FRYL: variants seen among roughly 807,000 people sequenced by gnomAD.
FRYL encodes the protein protein furry homolog-like.
Under a neutral mutation model 351.2 loss-of-function variants are expected in FRYL, and 150 were observed. The ratio of observed to expected loss-of-function variants is 0.43; its 90% CI spans 0.37 to 0.49. The LOEUF (loss-of-function observed/expected upper bound fraction) is 0.49. FRYL is among the 20% of genes least tolerant of loss of function. The pLI is 0.00. For missense variants in FRYL, 3,036 were observed against 3,619.3 expected, an observed-to-expected ratio of 0.84 and a Z score of 4.13; for synonymous variants, 1,153 against 1,257.1, an observed-to-expected ratio of 0.92 and a Z score of 1.75.
intron 1 of FRYL, among the ~76,000 whole-genome samples, chr4:48,718,925 T>C (rs1769167708): frequency 6.6e-6 from 1 of 151,442 alleles, no homozygotes; most frequent in South Asian, 2.1e-4. Context: ...ACATTTGTGC[T>C]TCTCCCTTCT....
chr4:48,743,362 C>T (rs1332897644), intron 1 of FRYL, among the ~76,000 whole-genome samples: 3 of 151,986 alleles, frequency 2.0e-5, no homozygotes, highest in Non-Finnish European at 4.4e-5. Flanking sequence ...GATGACTTAG[C>T]TTGTTTTTTC....
At chr4:48,631,622 A>G (rs1752974640) in intron 4 of FRYL, among the ~76,000 whole-genome samples, 1 of 152,152 alleles carries the variant, frequency 6.6e-6, no homozygotes, top group Non-Finnish European at 1.5e-5. Context: ...AGTAACTCAC[A>G]TCGGAGAAGA....
chr4:48,539,614 T>A (rs1729682267), intron 47 of FRYL, among the ~76,000 whole-genome samples: 1 of 151,696 alleles, frequency 6.6e-6, no homozygotes, highest in African/African-American at 2.4e-5. Flanking sequence ...GTACACTATC[T>A]ACTTTGCTTA....
intron 50 of FRYL, among the ~76,000 whole-genome samples, chr4:48,529,593 G>A (rs749895339): frequency 6.6e-6 from 1 of 152,072 alleles, no homozygotes; most frequent in Non-Finnish European, 1.5e-5. Flanking sequence ...AAAAAATAAA[G>A]TTTAGGATAA....
At chr4:48,572,516 G>A (rs1738563331) in intron 26 of FRYL, among the ~76,000 whole-genome samples, 1 of 152,102 alleles carries the variant, frequency 6.6e-6, no homozygotes, top group African/African-American at 2.4e-5. Flanking sequence ...GTCCACTGAG[G>A]AACGTGCTTC....
At chr4:48,527,304 T>C (rs1726478736) in intron 53 of FRYL, among the ~76,000 whole-genome samples, 173 bp downstream of exon 53, 1 of 152,168 alleles carries the variant, frequency 6.6e-6, no homozygotes, top group Non-Finnish European at 1.5e-5. Context: ...ATGTTTCTCT[T>C]TTATCTCAGA....
At chr4:48,636,061 T>G (rs1754169645) in intron 3 of FRYL, among the ~76,000 whole-genome samples, 1 of 152,166 alleles carries the variant, frequency 6.6e-6, no homozygotes, top group African/African-American at 2.4e-5. Flanking sequence ...TAAACATCTT[T>G]GTGTCATATC....
rs1719058186 is a variant in FRYL at position 48,499,466 on chromosome 4, C to CTAGA, written c.8994_8997dup (p.Ala3000SerfsTer28). On this transcript the variant is annotated frameshift_variant, in exon 64 of 64. Coordinates refer to ENST00000358350, the MANE Select transcript of FRYL (RefSeq NM_015030.2). LOFTEE classifies it high-confidence loss of function. Reference sequence around the variant, plus strand: ...ATATTTCCCATTGGTTTGGCCTGTGCTAGAAGTTGGTATGATTGCACCATG... The same window carrying CTAGA: ...ATATTTCCCATTGGTTTGGCCTGTGCTAGATAGAAGTTGGTATGATTGCACCATG... 1 of 1,613,910 alleles carries CTAGA rather than the reference C, an allele frequency of 6.2e-7. No individual in the cohort carries two copies. Among genetic ancestry groups the CTAGA allele is most frequent in the African/African-American group, 1.3e-5 (1 of 74,906 alleles).
chr4:48,563,114 G>GT, intron 31 of FRYL, 126 bp from the exon 32 acceptor site: 1 of 586,330 alleles, frequency 1.7e-6, no homozygotes, highest in Non-Finnish European at 3.1e-6. Flanking sequence ...AGGAGACTTG[G>GT]TTTTTTCAAG....
In FRYL at chr4:48,563,941, A is replaced by G. The variant is rs116019208; in HGVS notation, c.3596+7T>C. ...AAAATGAAACAAAAAACCTGTATCT[A>G]AAGTACCTGTTCTGGAAAACATTAG... On this transcript the variant is annotated splice_region_variant and intron_variant, in intron 31 of 63. Transcript: ENST00000358350. 3.5e-3 allele frequency: 5,618 copies of G among 1,604,860 alleles called. 162 individuals are homozygous for G. In the African/African-American group the frequency reaches 0.064, roughly 18 times the overall value.
At position 48,562,529 on chromosome 4, in the gene FRYL, A is replaced by G. The variant is rs375944873; in HGVS notation, c.3696+360T>C. Among the ~76,000 whole-genome samples the G allele has an allele frequency of 1.2e-3, 183 of 152,338 alleles. 2 individuals carry two copies. The South Asian group carries it at 0.037, about 31-fold the overall frequency. ...GAAAATTTACATGAGAATATGATAA[A>G]AAGAGCTAATTATTTTTCACATGGC... On this transcript the variant is annotated intron_variant, in intron 32 of 63. Coordinates refer to ENST00000358350, the MANE Select transcript of FRYL (RefSeq NM_015030.2).
At chr4:48,527,821 A>T in intron 52 of FRYL, 150 bp downstream of exon 52, 1 of 902,904 alleles carries the variant, frequency 1.1e-6, no homozygotes. Context: ...CATGGCTGCC[A>T]GGTGTCACAA....
At chr4:48,595,427 C>T (rs1211656512) in intron 15 of FRYL, among the ~76,000 whole-genome samples, 163 bp downstream of exon 15, 1 of 152,174 alleles carries the variant, frequency 6.6e-6, no homozygotes, top group Non-Finnish European at 1.5e-5. Context: ...AAAGTGCTGC[C>T]ACCTGTGGGT....
At chr4:48,679,786 AC>A (rs1764334087) in intron 3 of FRYL, among the ~76,000 whole-genome samples, 1 of 152,074 alleles carries the variant, frequency 6.6e-6, no homozygotes, top group African/African-American at 2.4e-5. Flanking sequence ...TCGCTATGTA[AC>A]CCATGAATAT....
chr4:48,623,565 A>AG (rs768285530), intron 4 of FRYL, among the ~76,000 whole-genome samples: 8 of 152,188 alleles, frequency 5.3e-5, no homozygotes, highest in Non-Finnish European at 8.8e-5. Context: ...GTTTACTGAA[A>AG]AGCAGCCTAG....
At chr4:48,596,855 CTTT>C (rs1347504479) in intron 13 of FRYL, among the ~76,000 whole-genome samples, 1 of 142,744 alleles carries the variant, frequency 7.0e-6, no homozygotes. Context: ...TAATAATCTC[CTTT>C]TTTTTTTTTT....
At position 48,550,518 on chromosome 4, in the gene FRYL, A is replaced by T. The variant is rs562621448; in HGVS notation, c.4633+74T>A. 23 of 884,030 alleles carry T rather than the reference A, an allele frequency of 2.6e-5. No individual in the cohort carries two copies. In the East Asian group the frequency reaches 5.6e-4, roughly 21 times the overall value. The allele number at this position is 884,030 out of a possible 1,614,324, so 54.8% of individuals were successfully genotyped here. ...TAAAAACAATTTACTGAAAATATATATTTATTAACATTAATGTAATTAACA... is the reference window on the plus strand; with the variant it reads ...TAAAAACAATTTACTGAAAATATATTTTTATTAACATTAATGTAATTAACA... On this transcript the variant is annotated intron_variant, in intron 38 of 63. Coordinates refer to ENST00000358350, the MANE Select transcript of FRYL (RefSeq NM_015030.2).
intron 27 of FRYL, 58 bp downstream of exon 27, chr4:48,570,769 A>C: frequency 8.0e-7 from 1 of 1,254,720 alleles, no homozygotes; most frequent in Non-Finnish European, 1.2e-6. Flanking sequence ...ATGAGCGAAA[A>C]GAGATTACGT....
intron 4 of FRYL, 74 bp downstream of exon 4, chr4:48,634,217 T>C: frequency 9.1e-7 from 1 of 1,094,292 alleles, no homozygotes; most frequent in Middle Eastern, 2.0e-4. Flanking sequence ...TTATTTCCTT[T>C]GAAAAATCTG....
Sources: allele counts gnomAD v4.1 joint callset (sites outside exome capture counted in the v4.1 genomes callset), GRCh38; gene constraint gnomAD v4.1.1; transcripts MANE v1.5; gene names NCBI Gene and HGNC (gene_info 2026-07-23, HGNC 2026-07-21).